MRE11: variants seen among roughly 807,000 people sequenced by gnomAD.
MRE11 encodes the protein double-strand break repair protein MRE11.
Under a neutral mutation model 91.7 loss-of-function variants are expected in MRE11, and 62 were observed. That is an observed-to-expected ratio of 0.68 (90% CI 0.55 to 0.84). The LOEUF is 0.84. Among genes scored for constraint, MRE11 ranks in the 40% least tolerant of loss-of-function variants. The pLI is 0.00. For synonymous variants in MRE11, 273 were observed against 271.4 expected (o/e 1.01, Z -0.06); for missense variants, 796 against 852.9 (o/e 0.93, Z 0.83).
rs587782742 is a variant in MRE11, at chr11:94,471,593, G to A, written c.826C>T (p.Pro276Ser). Residue 276 changes from proline to serine, a missense_variant, in exon 8 of 20, where the codon CCA becomes TCA. Pro to Ser is a moderately conservative substitution (Grantham distance 74). Coordinates refer to ENST00000323929, the MANE Select transcript of MRE11 (RefSeq NM_005591.4). ...ACTCACTTCTTTACAGCTTCTCCTG[G>A]GGAAAGAGAAGTAACCACTGAGCTT... ...PGSSVVTSLS[P>S]GEAVKKHVGL... 3.7e-5 allele frequency: 60 copies of A among 1,612,230 alleles called. No homozygotes were observed. The highest frequency in any genetic ancestry group is 4.6e-5 in the Non-Finnish European group (54 of 1,178,916).
At chr11:94,468,118 T>C (rs2135026322) in intron 9 of MRE11, among the ~76,000 whole-genome samples, 1 of 152,348 alleles carries the variant, frequency 6.6e-6, no homozygotes, top group African/African-American at 2.4e-5. Context: ...ATCTCTAAAA[T>C]AATTCTTTTA....
At chr11:94,462,202 C>A (rs1008406890) in intron 11 of MRE11, among the ~76,000 whole-genome samples, 1 of 152,104 alleles carries the variant, frequency 6.6e-6, no homozygotes, top group Non-Finnish European at 1.5e-5. Flanking sequence ...GAATAAAATA[C>A]CTAGGAATCC....
upstream of MRE11, chr11:94,496,769 C>CA: frequency 1.2e-6 from 2 of 1,613,594 alleles, no homozygotes; most frequent in East Asian, 4.5e-5. Context: ...ACACTTTAAC[C>CA]AACTTGAATT....
chr11:94,479,225 C>G (rs1946953276), intron 5 of MRE11, among the ~76,000 whole-genome samples: 1 of 152,116 alleles, frequency 6.6e-6, no homozygotes, highest in African/African-American at 2.4e-5. Flanking sequence ...ATCAGTGATT[C>G]ATAATATTAA....
chr11:94,452,096 C>T (rs1459900608), intron 14 of MRE11, among the ~76,000 whole-genome samples: 1 of 150,810 alleles, frequency 6.6e-6, no homozygotes, highest in Admixed American at 6.6e-5. Flanking sequence ...ACTCGGGAGG[C>T]TGAAGCACGA....
the MRE11 span, among the ~76,000 whole-genome samples, chr11:94,509,180 T>C: frequency 6.6e-6 from 1 of 152,244 alleles, no homozygotes. Context: ...GAATATACTG[T>C]AATACATTTC....
In MRE11 at chr11:94,476,295, T is replaced by C. The variant is rs587780144; in HGVS notation, c.653A>G (p.Gln218Arg). The C allele has an allele frequency of 1.9e-6, 3 of 1,608,018 alleles. No homozygotes were observed. The highest frequency in any genetic ancestry group is 2.6e-6 in the Non-Finnish European group (3 of 1,174,708). The stretch of plus-strand genomic sequence containing the variant: ...TTTCAGAGAAAAGTTTTACCTGTTC[T>C]GATGAATCACAAATAAGTTAAACCA... ...NSWFNLFVIH[Q>R]NRSKHGSTNF... The change falls in exon 7 of 20, where the codon CAG becomes CGG. Residue 218 changes from glutamine (Q) to arginine (R), a missense_variant. Gln to Arg is a conservative substitution (Grantham distance 43, BLOSUM62 1). Coordinates refer to ENST00000323929, the MANE Select transcript of MRE11 (RefSeq NM_005591.4).
intron 3 of MRE11, among the ~76,000 whole-genome samples, chr11:94,487,499 C>T (rs566018004): frequency 1.2e-4 from 18 of 152,212 alleles, no homozygotes; most frequent in African/African-American, 4.1e-4. Flanking sequence ...AAAGGCAAGG[C>T]AGATGCAGGA....
At chr11:94,484,405 A>T (rs1947086679) in intron 4 of MRE11, among the ~76,000 whole-genome samples, 1 of 152,230 alleles carries the variant, frequency 6.6e-6, no homozygotes, top group African/African-American at 2.4e-5. Flanking sequence ...GAACAAATTT[A>T]AGGAGGAACA....
intron 4 of MRE11, among the ~76,000 whole-genome samples, chr11:94,481,932 A>G (rs1947023374): frequency 6.6e-6 from 1 of 152,224 alleles, no homozygotes; most frequent in African/African-American, 2.4e-5. Context: ...AAAGAGGTAA[A>G]GTTATGGGCA....
At chr11:94,442,130 A>T (rs1191136389) in intron 16 of MRE11, among the ~76,000 whole-genome samples, 1 of 152,256 alleles carries the variant, frequency 6.6e-6, no homozygotes, top group East Asian at 1.9e-4. Flanking sequence ...TAAGAATAGC[A>T]TAGAGGTAAC....
intron 19 of MRE11, 126 bp from the exon 20 acceptor site, chr11:94,420,307 T>A: frequency 1.4e-6 from 1 of 712,098 alleles, no homozygotes; most frequent in Non-Finnish European, 2.4e-6. Flanking sequence ...TATTTTTCTA[T>A]TTCCTTTATA....
At chr11:94,433,972 C>T (rs1335135264) in intron 18 of MRE11, among the ~76,000 whole-genome samples, 1 of 152,186 alleles carries the variant, frequency 6.6e-6, no homozygotes, top group Non-Finnish European at 1.5e-5. Context: ...TCTCTCTACA[C>T]CAGATCATTT....
chr11:94,438,312 A>AT (rs1392634063), intron 16 of MRE11, among the ~76,000 whole-genome samples: 2 of 152,198 alleles, frequency 1.3e-5, no homozygotes, highest in African/African-American at 4.8e-5. Flanking sequence ...AAAGTCCAAA[A>AT]TTCTCCTAGT....
chr11:94,427,760 A>G (rs1945364174), intron 19 of MRE11, among the ~76,000 whole-genome samples: 1 of 152,132 alleles, frequency 6.6e-6, no homozygotes, highest in African/African-American at 2.4e-5. Flanking sequence ...TCAAGCTGAG[A>G]GTCAAATCAA....
intron 7 of MRE11, among the ~76,000 whole-genome samples, chr11:94,474,954 A>C (rs1343882117): frequency 3.3e-5 from 5 of 152,162 alleles, no homozygotes; most frequent in Non-Finnish European, 5.9e-5. Context: ...TTATATGAAG[A>C]CCACACACAT....
intron 15 of MRE11, among the ~76,000 whole-genome samples, chr11:94,446,954 A>G (rs1194816259): frequency 6.6e-6 from 1 of 152,244 alleles, no homozygotes; most frequent in East Asian, 1.9e-4. Flanking sequence ...AAAAGGTACT[A>G]CGTGACAAAC....
At chr11:94,446,412 C>A (rs929293615) in intron 15 of MRE11, among the ~76,000 whole-genome samples, 1 of 151,628 alleles carries the variant, frequency 6.6e-6, no homozygotes, top group African/African-American at 2.4e-5. Flanking sequence ...GACTCCATCT[C>A]AAGAAAAATT....
chr11:94,434,399 A>T (rs1945544769), intron 18 of MRE11, among the ~76,000 whole-genome samples: 1 of 152,132 alleles, frequency 6.6e-6, no homozygotes, highest in Non-Finnish European at 1.5e-5. Flanking sequence ...ACTCAACCAT[A>T]CCCAAAAAAA....
Sources: gnomAD v4.1 joint callset for allele counts (sites outside exome capture counted in the v4.1 genomes callset) on GRCh38, gnomAD v4.1.1 for gene constraint, MANE v1.5 for transcripts, NCBI Gene and HGNC (gene_info 2026-07-23, HGNC 2026-07-21) for gene names.